Variants in ADCY3 observed in about 807,000 individuals in gnomAD.
ADCY3 encodes the protein adenylate cyclase 3.
In ADCY3, 70 loss-of-function variants were observed where a neutral mutation model predicts 119.4. The observed-to-expected ratio is 0.59, with a 90% CI of 0.48 to 0.72. ADCY3 has a LOEUF of 0.72. Among genes scored for constraint, ADCY3 ranks in the 30% least tolerant of loss-of-function variants. The probability of loss-of-function intolerance (pLI) is 0.00; values close to 1 mark genes in which losing one functional copy is unlikely to be tolerated. For missense variants in ADCY3, 1,238 were observed against 1,541.6 expected (o/e 0.80, Z 3.30); for synonymous variants, 672 against 621.4 (o/e 1.08, Z -1.21).
chr2:24,898,406 G>A lies in ADCY3; in HGVS notation c.675+19907C>T, dbSNP rs1333617563. Among the ~76,000 whole-genome samples the A allele has an allele frequency of 6.6e-6, 1 of 152,128 alleles. No homozygotes were observed. Among genetic ancestry groups the A allele is most frequent in the Non-Finnish European group, 1.5e-5 (1 of 68,014 alleles). On this transcript the variant is annotated intron_variant, in intron 2 of 21. Transcript: ENST00000679454. This position sits in a 1 kb window ranked among gnomAD's most constrained non-coding sequence, Gnocchi z 4.3. ...GTCGGGACACTGACTGTGTGGGAATGCACCTATGCAGGGCTGTCCTCGGGG... is the reference window on the plus strand; with the variant it reads ...GTCGGGACACTGACTGTGTGGGAATACACCTATGCAGGGCTGTCCTCGGGG...
rs142093233 is a variant in ADCY3, at chr2:24,837,026, G to A, written c.1553C>T (p.Pro518Leu). The change falls in exon 9 of 22, where the codon CCA (proline) becomes CTA (leucine). Residue 518 changes from proline to leucine, a missense_variant. Pro to Leu is a moderately conservative substitution (Grantham distance 98, BLOSUM62 -3). Transcript: ENST00000679454. ...LNGSALPNGAPASSKSSSPAL... is the reference protein window; with the variant it reads ...LNGSALPNGALASSKSSSPAL... Reference sequence around the variant, plus strand: ...AGGGGAGCTGGACTTTGAGGAAGCTGGTGCTCCATTGGGCAGGGCCTAGAG... The same window carrying A: ...AGGGGAGCTGGACTTTGAGGAAGCTAGTGCTCCATTGGGCAGGGCCTAGAG... 1 of 1,614,058 alleles carries A rather than the reference G, an allele frequency of 6.2e-7. No homozygotes were observed. The highest frequency in any genetic ancestry group is 8.5e-7 in the Non-Finnish European group (1 of 1,179,994).
chr2:24,841,125 G>T lies in ADCY3; in HGVS notation c.1196+134C>A. On this transcript the variant is annotated intron_variant, in intron 6 of 21. Coordinates refer to ENST00000679454, the MANE Select transcript of ADCY3 (RefSeq NM_004036.5). The surrounding 1 kb of genome is among the most constrained non-coding windows in gnomAD (Gnocchi z 5.8). ...GAGCCTGCGCCACCCATCAACCAGT[G>T]CTGTGTCCCAGTCTCTGCTTCCAGC... is the stretch of plus-strand genomic sequence containing the variant. The T allele has an allele frequency of 1.9e-6, 2 of 1,062,750 alleles. No individual in the cohort carries two copies. Among genetic ancestry groups the T allele is most frequent in the Non-Finnish European group, 2.6e-6 (2 of 763,152 alleles). 65.8% of individuals were successfully genotyped at this position (1,062,750 alleles called of 1,614,324 possible). A position where few individuals can be genotyped will look rare whatever the true frequency, so the allele number is the denominator to read the frequency against.
Position 24,823,307 on chromosome 2 carries a change from G to A in ADCY3, c.2785C>T (p.Leu929=). 6.2e-7 allele frequency: 1 copy of A among 1,613,806 alleles called. No homozygotes were observed. ...GTGTAGAAGTCAGCAAAGTTGGGCA[G>A]GGAGGCAAACATGACTCCAATCTCA... The part of the protein sequence containing the change: ...YDEIGVMFAS[L]PNFADFYTEE... Residue 929 remains leucine, a synonymous_variant, in exon 18 of 22, where the codon CTG becomes TTG. Transcript: ENST00000679454.
intron 19 of ADCY3, 117 bp downstream of exon 19, chr2:24,822,394 G>T: frequency 7.3e-7 from 1 of 1,364,338 alleles, no homozygotes; most frequent in Non-Finnish European, 1.0e-6. Flanking sequence ...GGTGCTGGTG[G>T]TGTGTGTCTG....
intron 2 of ADCY3, among the ~76,000 whole-genome samples, chr2:24,903,259 C>T (rs1022494256): frequency 2.0e-5 from 3 of 151,954 alleles, no homozygotes; most frequent in South Asian, 2.1e-4. Context: ...ATCTTTTGAC[C>T]GTCTGTGCTC....
At chr2:24,865,441 C>CA (rs1418753202) in intron 3 of ADCY3, among the ~76,000 whole-genome samples, 2 of 148,768 alleles carry the variant, frequency 1.3e-5, no homozygotes, top group African/African-American at 5.0e-5. Context: ...GACTCTGTCT[C>CA]AAAAAAAGAA....
At chr2:24,838,696 C>T in intron 7 of ADCY3, 74 bp from the exon 8 acceptor site, 1 of 1,598,450 alleles carries the variant, frequency 6.3e-7, no homozygotes, top group Non-Finnish European at 8.5e-7. Flanking sequence ...AGTCCACGGA[C>T]CACGGCTGCA....
chr2:24,821,044 G>A (rs941663286), intron 20 of ADCY3, 196 bp from the exon 21 acceptor site: 14 of 702,280 alleles, frequency 2.0e-5, no homozygotes, highest in African/African-American at 5.9e-5. Flanking sequence ...GGTGTCAGCC[G>A]CCACCCCCCC....
In ADCY3 at chr2:24,841,672, A is replaced by G; in HGVS notation, c.957-5T>C. ...ACGATGTCGGCAAAGAGGATGCTGC[A>G]TGAGGAAGGAACCGTGGGGGTGACG... On this transcript the variant is annotated splice_polypyrimidine_tract_variant and splice_region_variant and intron_variant, in intron 4 of 21. Coordinates refer to ENST00000679454, the MANE Select transcript of ADCY3 (RefSeq NM_004036.5). The surrounding 1 kb of genome is among the most constrained non-coding windows in gnomAD (Gnocchi z 5.8). 6.2e-7 allele frequency: 1 copy of G among 1,611,820 alleles called. No individual in the cohort carries two copies. The highest frequency in any genetic ancestry group is 8.5e-7 in the Non-Finnish European group (1 of 1,178,602).
At chr2:24,882,002 T>G (rs1442059520) in intron 2 of ADCY3, among the ~76,000 whole-genome samples, 1 of 152,246 alleles carries the variant, frequency 6.6e-6, no homozygotes, top group Non-Finnish European at 1.5e-5. Context: ...GCCTTCTTCC[T>G]TTTTGATTCC....
In ADCY3 at chr2:24,841,418, C is replaced by A. The variant is rs750349816; in HGVS notation, c.1069-32G>T. On this transcript the variant is annotated intron_variant, in intron 5 of 21. Transcript: ENST00000679454. This position sits in a 1 kb window ranked among gnomAD's most constrained non-coding sequence, Gnocchi z 5.8. ...GGGGAGGGCCTGGCCTGTGCTCCAG[C>A]CCCTCCTCAGTGAGGGAGGAGTGGC... 63 of 1,607,714 alleles carry A rather than the reference C, an allele frequency of 3.9e-5. No homozygotes were observed. Among genetic ancestry groups the A allele is most frequent in the Non-Finnish European group, 4.9e-5 (58 of 1,176,892 alleles).
At chr2:24,853,268 G>A (rs1044449295) in intron 3 of ADCY3, among the ~76,000 whole-genome samples, 4 of 152,052 alleles carry the variant, frequency 2.6e-5, no homozygotes, top group East Asian at 1.9e-4. Flanking sequence ...TGGCGACCTT[G>A]CCCCCTTCCC....
chr2:24,914,820 C>T (rs527748748), intron 2 of ADCY3, among the ~76,000 whole-genome samples: 1 of 152,162 alleles, frequency 6.6e-6, no homozygotes, highest in Admixed American at 6.5e-5. Context: ...ATGGCCTCAT[C>T]CTCCTTATCC....
At chr2:24,838,698 A>ACG in intron 7 of ADCY3, 76 bp from the exon 8 acceptor site, 1 of 1,596,462 alleles carries the variant, frequency 6.3e-7, no homozygotes, top group East Asian at 2.2e-5. Context: ...TCCACGGACC[A>ACG]CGGCTGCACC....
intron 3 of ADCY3, among the ~76,000 whole-genome samples, chr2:24,857,991 A>T (rs998115617): frequency 1.6e-5 from 2 of 122,390 alleles, no homozygotes; most frequent in Admixed American, 8.8e-5. Flanking sequence ...TGTGGTCTGA[A>T]TTTTTTTTTT....
chr2:24,849,335 C>T (rs1285211614), intron 3 of ADCY3, among the ~76,000 whole-genome samples: 2 of 152,128 alleles, frequency 1.3e-5, no homozygotes, highest in Non-Finnish European at 1.5e-5. Context: ...GCTGGGGTCT[C>T]GGAGACTGTC....
chr2:24,840,155 G>T (rs1348131025), intron 6 of ADCY3, 124 bp from the exon 7 acceptor site: 3 of 1,326,994 alleles, frequency 2.3e-6, no homozygotes, highest in African/African-American at 2.9e-5. Flanking sequence ...GCCTGGCAAG[G>T]TCCCCACAGC....
In ADCY3 at chr2:24,898,919, A is replaced by G. The variant is rs1170157527; in HGVS notation, c.675+19394T>C. On this transcript the variant is annotated intron_variant, in intron 2 of 21. Transcript: ENST00000679454. This position sits in a 1 kb window ranked among gnomAD's most constrained non-coding sequence, Gnocchi z 4.3. Reference sequence around the variant, plus strand: ...TCCAGCGCGGACGCCAAGCACGACCACGGCAGGTGACCTGCCCTCCCTCCA... The same window carrying G: ...TCCAGCGCGGACGCCAAGCACGACCGCGGCAGGTGACCTGCCCTCCCTCCA... Among the ~76,000 whole-genome samples the G allele has an allele frequency of 6.6e-6, 1 of 152,142 alleles. No homozygotes were observed. The highest frequency in any genetic ancestry group is 1.5e-5 in the Non-Finnish European group (1 of 68,016).
intron 19 of ADCY3, 127 bp downstream of exon 19, chr2:24,822,384 G>T: frequency 7.9e-7 from 1 of 1,273,648 alleles, no homozygotes; most frequent in Non-Finnish European, 1.1e-6. Flanking sequence ...ATATTTACGT[G>T]GTGCTGGTGG....
Sources: gnomAD v4.1 joint callset for allele counts (sites outside exome capture counted in the v4.1 genomes callset) on GRCh38, gnomAD v4.1.1 for gene constraint, Gnocchi (gnomAD v3.1) non-coding constraint, MANE v1.5 for transcripts, NCBI Gene and HGNC (gene_info 2026-07-23, HGNC 2026-07-21) for gene names.